The following MAP3K13 variants were observed in gnomAD, a reference collection of about 807,000 sequenced individuals.
The protein encoded by MAP3K13 is mitogen-activated protein kinase kinase kinase 13.
MAP3K13 carries 52 observed loss-of-function variants against 104.0 expected under a neutral mutation model. That is an observed-to-expected ratio of 0.50 (90% CI 0.40 to 0.63). The LOEUF (loss-of-function observed/expected upper bound fraction) is 0.63. Ranked by LOEUF, MAP3K13 falls within the 20% of genes least tolerant of loss-of-function variation. The probability of loss-of-function intolerance (pLI) is 0.00; values close to 1 mark genes in which losing one functional copy is unlikely to be tolerated. For missense variants in MAP3K13, 914 were observed against 1,218.5 expected (o/e 0.75, Z 3.72); for synonymous variants, 394 against 442.2 (o/e 0.89, Z 1.37).
In MAP3K13 at chr3:185,488,492, GCT is replaced by G. The variant is rs997514666; in HGVS notation, c.*6039_*6040del. ...TAAAGAGGGGAGCTCTAAAATCACT[GCT>G]CTGAGAAACAGGAGGTGGGTTAAGG... On this transcript the variant is annotated 3_prime_UTR_variant, in exon 14 of 14. Coordinates refer to ENST00000265026, the MANE Select transcript of MAP3K13 (RefSeq NM_004721.5). The G allele has an allele frequency of 6.6e-6, 1 of 152,314 alleles. No homozygotes were observed. The highest frequency in any genetic ancestry group is 1.5e-5 in the Non-Finnish European group (1 of 68,120). 9.4% of individuals were successfully genotyped at this position (152,314 alleles called of 1,614,324 possible).
chr3:185,458,339 G>T (rs977778937), intron 7 of MAP3K13, among the ~76,000 whole-genome samples: 2 of 139,816 alleles, frequency 1.4e-5, no homozygotes, highest in East Asian at 4.2e-4. Context: ...CTGCACTCCA[G>T]CCTGGGCAAT....
At chr3:185,356,136 G>GACATTTTAAAATAATAATAATA (rs561829921) in intron 2 of MAP3K13, among the ~76,000 whole-genome samples, 6,207 of 152,262 alleles carry the variant, frequency 0.041, 144 homozygotes, top group Non-Finnish European at 0.06. Context: ...TCGAACTTTT[G>GACATTTTAAAATAATAATAATA]ATGGTGACAA....
intron 1 of MAP3K13, among the ~76,000 whole-genome samples, chr3:185,414,655 T>C (rs1408705808): frequency 6.6e-6 from 1 of 152,118 alleles, no homozygotes; most frequent in Non-Finnish European, 1.5e-5. Flanking sequence ...GTGAGAACTT[T>C]CATATATGTC....
Position 185,393,462 on chromosome 3 carries a change from C to CTT in MAP3K13, c.-86+30107_-86+30108dup, listed in dbSNP as rs147162736. On this transcript the variant is annotated intron_variant, in intron 1 of 13. Transcript: ENST00000265026. ...GCTATATTTACAGAGTTGTAAGTAT[C>CTT]TTTTTTTTTTTTTTGAGACGGAGTC... 1.3e-3 allele frequency among the ~76,000 whole-genome samples: 189 copies of CTT among 145,026 alleles called. 1 individual carries two copies. Among genetic ancestry groups the CTT allele is most frequent in the Middle Eastern group, 3.6e-3 (1 of 278 alleles).
intron 1 of MAP3K13, among the ~76,000 whole-genome samples, chr3:185,370,172 T>G (rs1291341874): frequency 6.6e-6 from 1 of 152,142 alleles, no homozygotes; most frequent in East Asian, 1.9e-4. Context: ...TCTACTTTTA[T>G]TCCAATTCTT....
In MAP3K13 at chr3:185,418,971, A is replaced by C. The variant is rs1577534540; in HGVS notation, c.-85-9526A>C. 6.6e-6 allele frequency among the ~76,000 whole-genome samples: 1 copy of C among 151,710 alleles called. No individual in the cohort carries two copies. The highest frequency in any genetic ancestry group is 1.5e-5 in the Non-Finnish European group (1 of 67,884). ...AGGAGTCATTAACTTTTGTTTGCTC[A>C]TTGTCGTCTTTTTAAGTTCACTTTT... On this transcript the variant is annotated intron_variant, in intron 1 of 13. Coordinates refer to ENST00000265026, the MANE Select transcript of MAP3K13 (RefSeq NM_004721.5). This position sits in a 1 kb window ranked among gnomAD's most constrained non-coding sequence, Gnocchi z 4.5.
chr3:185,454,537 T>TATATATGATATATACC (rs1560116794), intron 7 of MAP3K13, among the ~76,000 whole-genome samples: 1 of 19,994 alleles, frequency 5.0e-5, no homozygotes, highest in African/African-American at 1.0e-4. Flanking sequence ...ATATATGAGA[T>TATATATGATATATACC]ATATATATGA....
chr3:185,455,087 TATATATGAGATATATGTGAG>T (rs1560118333), intron 7 of MAP3K13, among the ~76,000 whole-genome samples: 22 of 108,408 alleles, frequency 2.0e-4, no homozygotes, highest in East Asian at 5.3e-4. Context: ...ATGTGAGATA[TATATATGAGATATATGTGAG>T]ATATATGAGA....
At chr3:185,455,410 AT>A (rs1365821880) in intron 7 of MAP3K13, among the ~76,000 whole-genome samples, 1 of 88,818 alleles carries the variant, frequency 1.1e-5, no homozygotes, top group Non-Finnish European at 2.2e-5. Flanking sequence ...AGATATATAT[AT>A]GAGATATATA....
At chr3:185,321,721 A>C (rs1033693287) in intron 2 of MAP3K13, among the ~76,000 whole-genome samples, 1 of 152,178 alleles carries the variant, frequency 6.6e-6, no homozygotes, top group Non-Finnish European at 1.5e-5. Context: ...CTCCTGCCTC[A>C]GCCTCCCGAG....
chr3:185,285,510 T>G, intron 1 of MAP3K13: 1 of 945,678 alleles, frequency 1.1e-6, no homozygotes, highest in Non-Finnish European at 1.6e-6. Flanking sequence ...ATTCTTGAGG[T>G]TTTTAGTTTT....
chr3:185,377,062 G>T lies in MAP3K13; in HGVS notation c.-86+13694G>T, dbSNP rs111849201. On this transcript the variant is annotated intron_variant, in intron 1 of 13. Coordinates refer to ENST00000265026, the MANE Select transcript of MAP3K13 (RefSeq NM_004721.5). ...GGGTTGTGGAGAGGTTGTGGAGGGA[G>T]GTATTGAGGATAGGAGAGTATATGG... Among the ~76,000 whole-genome samples the T allele has an allele frequency of 3.3e-3, 501 of 152,192 alleles. 3 individuals are homozygous for T. The highest frequency in any genetic ancestry group is 0.011 in the African/African-American group (454 of 41,496).
intron 1 of MAP3K13, among the ~76,000 whole-genome samples, chr3:185,380,187 A>AAACACAAAAC (rs1724637558): frequency 7.0e-6 from 1 of 142,730 alleles, no homozygotes; most frequent in East Asian, 2.2e-4. Context: ...CTCCGTCTCA[A>AAACACAAAAC]AAAACAAAAC....
intron 2 of MAP3K13, among the ~76,000 whole-genome samples, chr3:185,323,347 T>G (rs1358168261): frequency 6.6e-6 from 1 of 151,070 alleles, no homozygotes; most frequent in Non-Finnish European, 1.5e-5. Flanking sequence ...TTTTTTTTTT[T>G]TTTTTTGAGA....
At chr3:185,388,632 G>T (rs887279090) in intron 1 of MAP3K13, among the ~76,000 whole-genome samples, 2 of 152,088 alleles carry the variant, frequency 1.3e-5, no homozygotes, top group East Asian at 1.9e-4. Flanking sequence ...GAGAGTCAAT[G>T]CCATCCCTAT....
chr3:185,398,186 T>C (rs1363505546), intron 1 of MAP3K13, among the ~76,000 whole-genome samples: 1 of 152,034 alleles, frequency 6.6e-6, no homozygotes, highest in Non-Finnish European at 1.5e-5. Flanking sequence ...AGCAATGCTG[T>C]CTGTTCTGAG....
At chr3:185,437,355 TG>T in intron 2 of MAP3K13, 91 bp from the exon 3 acceptor site, 1 of 1,116,870 alleles carries the variant, frequency 9.0e-7, no homozygotes, top group Non-Finnish European at 1.3e-6. Flanking sequence ...AGGGTCATCC[TG>T]GGTGACGATG....
chr3:185,428,839 G>C lies in MAP3K13; in HGVS notation c.258G>C (p.Gln86His), dbSNP rs765901697. 1.2e-6 allele frequency: 2 copies of C among 1,614,180 alleles called. No homozygotes were observed. Among genetic ancestry groups the C allele is most frequent in the Non-Finnish European group, 1.7e-6 (2 of 1,180,024 alleles). The change falls in exon 2 of 14, where the codon CAG becomes CAC. Residue 86 changes from glutamine (Q) to histidine (H), a missense_variant. Physicochemically the swap from Gln to His is conservative, Grantham distance 24 (BLOSUM62 0). Coordinates refer to ENST00000265026, the MANE Select transcript of MAP3K13 (RefSeq NM_004721.5). ...ACCAGTTTGAGAACAGCGTTCTTCAGCTAAGGGAACACGATGAATCAGAGA... is the reference window on the plus strand; with the variant it reads ...ACCAGTTTGAGAACAGCGTTCTTCACCTAAGGGAACACGATGAATCAGAGA... ...SRDQFENSVL[Q>H]LREHDESETA...
intron 1 of MAP3K13, 118 bp downstream of exon 1, chr3:185,363,486 G>A (rs1723732603): frequency 1.2e-5 from 5 of 405,602 alleles, no homozygotes; most frequent in Non-Finnish European, 1.7e-5. Context: ...CACCGTGAGA[G>A]AGACAGAGAG....
Sources: allele counts gnomAD v4.1 joint callset (sites outside exome capture counted in the v4.1 genomes callset), GRCh38; gene constraint gnomAD v4.1.1; non-coding constraint Gnocchi (gnomAD v3.1); transcripts MANE v1.5; gene names NCBI Gene and HGNC (gene_info 2026-07-23, HGNC 2026-07-21).